Variants in TPX2 observed in about 807,000 individuals in gnomAD.
TPX2 encodes targeting protein for Xklp2.
Under a neutral mutation model 93.6 loss-of-function variants are expected in TPX2, and 21 were observed. The observed-to-expected ratio is 0.22, with a 90% CI of 0.16 to 0.32. TPX2 has a LOEUF of 0.32. Among genes scored for constraint, TPX2 ranks in the 10% least tolerant of loss-of-function variants. The probability of loss-of-function intolerance (pLI) is 1.00; values close to 1 mark genes in which losing one functional copy is unlikely to be tolerated. For synonymous variants in TPX2, 281 were observed against 298.3 expected (o/e 0.94, Z 0.60); for missense variants, 776 against 871.1 (o/e 0.89, Z 1.37).
chr20:31,744,078 T>C (rs1047805623), intron 2 of TPX2, among the ~76,000 whole-genome samples: 9 of 151,706 alleles, frequency 5.9e-5, no homozygotes, highest in African/African-American at 1.9e-4. Flanking sequence ...TCCACAGATA[T>C]GGAACTCATA....
chr20:31,783,890 C>T lies in TPX2; in HGVS notation c.1382C>T (p.Pro461Leu). The T allele has an allele frequency of 6.2e-7, 1 of 1,612,416 alleles. No individual in the cohort carries two copies. ...EDEHFEFHSR[P>L]CPTKILEDVV... ...GAACACTTTGAATTTCATTCCAGAC[C>T]TTGCCCTACTAAGATTTTGGAAGAT... The change falls in exon 12 of 18, where the codon CCT becomes CTT. Residue 461 changes from proline to leucine, a missense_variant. This residue lies in a region of TPX2 where 461 missense variants were observed against 551.2 expected (regional missense o/e 0.84). Transcript: ENST00000300403.
intron 12 of TPX2, among the ~76,000 whole-genome samples, chr20:31,791,111 A>G (rs1448774903): frequency 6.6e-6 from 1 of 152,124 alleles, no homozygotes; most frequent in Non-Finnish European, 1.5e-5. Flanking sequence ...GCAACGTGAT[A>G]TGTAAGGAGG....
At chr20:31,749,403 A>G (rs1452901699) in intron 2 of TPX2, among the ~76,000 whole-genome samples, 10 of 152,210 alleles carry the variant, frequency 6.6e-5, no homozygotes, top group African/African-American at 2.2e-4. Flanking sequence ...AATGAAGATA[A>G]TAACAGTACC....
chr20:31,794,663 C>G, intron 15 of TPX2, 115 bp downstream of exon 15: 2 of 1,322,240 alleles, frequency 1.5e-6, no homozygotes, highest in Non-Finnish European at 2.1e-6. Flanking sequence ...CAGGGGCTCT[C>G]ACTGTAAATC....
At position 31,776,112 on chromosome 20, in the gene TPX2, C is replaced by G. The variant is rs555642796; in HGVS notation, c.730+124C>G. On this transcript the variant is annotated intron_variant, in intron 8 of 17. Transcript: ENST00000300403. Reference sequence around the variant, plus strand: ...TTTTTGAGACGGAGTCTCGCTCTGTCGCCCAGGCCGGACTGCGGACTGCAG... The same window carrying G: ...TTTTTGAGACGGAGTCTCGCTCTGTGGCCCAGGCCGGACTGCGGACTGCAG... 243 of 961,752 alleles carry G rather than the reference C, an allele frequency of 2.5e-4. 2 individuals carry two copies. Among genetic ancestry groups the G allele is most frequent in the Non-Finnish European group, 2.9e-4 (230 of 782,702 alleles). The allele number at this position is 961,752 out of a possible 1,614,324, so 59.6% of individuals were successfully genotyped here.
intron 12 of TPX2, among the ~76,000 whole-genome samples, chr20:31,787,459 G>C (rs1000109871): frequency 3.3e-5 from 5 of 151,884 alleles, no homozygotes; most frequent in African/African-American, 4.8e-5. Context: ...TTTTCAGAAA[G>C]GGAGGTTTTG....
chr20:31,786,409 T>TTTTTTTTGTTTTTTG (rs1568602729), intron 12 of TPX2, among the ~76,000 whole-genome samples: 2 of 146,928 alleles, frequency 1.4e-5, no homozygotes, highest in African/African-American at 5.1e-5. Context: ...TGTTTTTTTT[T>TTTTTTTTGTTTTTTG]TTTTTTGAGA....
intron 12 of TPX2, among the ~76,000 whole-genome samples, chr20:31,788,545 C>T (rs1015692872): frequency 3.9e-5 from 6 of 152,104 alleles, no homozygotes; most frequent in Non-Finnish European, 7.4e-5. Context: ...CATCCACGTC[C>T]CCCCCAGTGC....
chr20:31,744,159 CTTTTTTT>C (rs11465034), intron 2 of TPX2, among the ~76,000 whole-genome samples: 1 of 112,270 alleles, frequency 8.9e-6, no homozygotes, highest in Non-Finnish European at 1.8e-5. Context: ...ATTTTTTTAA[CTTTTTTT>C]TTTTTTTTTT....
chr20:31,797,597 C>A, intron 16 of TPX2, 82 bp downstream of exon 16: 1 of 1,238,224 alleles, frequency 8.1e-7, no homozygotes, highest in Non-Finnish European at 1.2e-6. Flanking sequence ...TGTGTCAGTA[C>A]AATGCTGTGT....
Position 31,793,932 on chromosome 20 carries a change from A to G in TPX2, c.1594A>G (p.Thr532Ala). The change falls in exon 14 of 18, where the codon ACT becomes GCT. Residue 532 changes from threonine to alanine, a missense_variant. By Grantham distance (58) the Thr-to-Ala change is moderately conservative. This residue lies in a region of TPX2 where 461 missense variants were observed against 551.2 expected (regional missense o/e 0.84). Coordinates refer to ENST00000300403, the MANE Select transcript of TPX2 (RefSeq NM_012112.5). ...TAAGCCCCAAATCCCAGAGGCAAGA[A>G]CTGTGGAAATATGCCCTTTCTCGTT... ...PFKPQIPEAR[T>A]VEICPFSFDS... is the part of the protein sequence containing the mutation. The G allele has an allele frequency of 6.2e-7, 1 of 1,614,104 alleles. No individual in the cohort carries two copies. Among genetic ancestry groups the G allele is most frequent in the East Asian group, 2.2e-5 (1 of 44,872 alleles).
intron 2 of TPX2, among the ~76,000 whole-genome samples, chr20:31,744,278 T>G (rs1020058169): frequency 6.8e-6 from 1 of 147,916 alleles, no homozygotes; most frequent in African/African-American, 2.5e-5. Context: ...TTCTCCTGCC[T>G]CAGCCTCCCG....
At chr20:31,764,025 A>T (rs989998053) in intron 4 of TPX2, among the ~76,000 whole-genome samples, 1 of 151,992 alleles carries the variant, frequency 6.6e-6, no homozygotes, top group African/African-American at 2.4e-5. Flanking sequence ...TCTCAAAAAC[A>T]AAAAATTATA....
intron 2 of TPX2, among the ~76,000 whole-genome samples, chr20:31,756,306 A>G (rs2061851590): frequency 6.6e-6 from 1 of 152,326 alleles, no homozygotes; most frequent in South Asian, 2.1e-4. Flanking sequence ...ACAAAGCACA[A>G]TTGGCTTTGG....
At chr20:31,787,700 A>G (rs536161998) in intron 12 of TPX2, among the ~76,000 whole-genome samples, 3 of 152,214 alleles carry the variant, frequency 2.0e-5, no homozygotes, top group East Asian at 3.9e-4. Context: ...CACATGTGAG[A>G]GGGGGTAGAG....
chr20:31,785,352 G>A (rs1223564100), intron 12 of TPX2, among the ~76,000 whole-genome samples: 1 of 152,188 alleles, frequency 6.6e-6, no homozygotes, highest in Non-Finnish European at 1.5e-5. Flanking sequence ...CAAGGGAAAA[G>A]TAGGTTATAT....
intron 12 of TPX2, among the ~76,000 whole-genome samples, chr20:31,784,465 G>C (rs1329220327): frequency 6.6e-6 from 1 of 152,186 alleles, no homozygotes; most frequent in Non-Finnish European, 1.5e-5. Context: ...CTAGTACATG[G>C]TGGAGCAAGT....
rs1174410504 is a variant in TPX2, at chr20:31,776,105, G to A, written c.730+117G>A. On this transcript the variant is annotated intron_variant, in intron 8 of 17. Coordinates refer to ENST00000300403, the MANE Select transcript of TPX2 (RefSeq NM_012112.5). ...TTTTTTTTTTTTGAGACGGAGTCTC[G>A]CTCTGTCGCCCAGGCCGGACTGCGG... 43 of 951,926 alleles carry A rather than the reference G, an allele frequency of 4.5e-5. No individual in the cohort carries two copies. The African/African-American group carries it at 6.3e-4, about 14-fold the overall frequency. 59.0% of individuals were successfully genotyped at this position (951,926 alleles called of 1,614,324 possible).
In TPX2 at chr20:31,792,748, A is replaced by G. The variant is rs767430762; in HGVS notation, c.1427A>G (p.Lys476Arg). ...ILEDVVGVPE[K>R]KVLPITVPKS... The stretch of plus-strand genomic sequence containing the variant: ...TACTCCTTTCAGGGTGTTCCTGAAA[A>G]GAAGGTACTTCCAATCACCGTCCCC... The change falls in exon 13 of 18, where the codon AAG becomes AGG. Residue 476 changes from lysine to arginine, a missense_variant. This residue lies in a region of TPX2 where 461 missense variants were observed against 551.2 expected (regional missense o/e 0.84). Transcript: ENST00000300403. The G allele has an allele frequency of 6.2e-7, 1 of 1,613,992 alleles. No individual in the cohort carries two copies. The highest frequency in any genetic ancestry group is 1.7e-5 in the Admixed American group (1 of 60,002).
Sources: gnomAD v4.1 joint callset for allele counts (sites outside exome capture counted in the v4.1 genomes callset) on GRCh38, gnomAD v4.1.1 for gene constraint, gnomAD v4.1.1 regional missense constraint, MANE v1.5 for transcripts, NCBI Gene and HGNC (gene_info 2026-07-23, HGNC 2026-07-21) for gene names.